The following ANAPC5 variants were observed in gnomAD, a reference collection of about 807,000 sequenced individuals.
ANAPC5 encodes anaphase promoting complex subunit 5.
ANAPC5 carries 60 observed loss-of-function variants against 91.3 expected under a neutral mutation model. The ratio of observed to expected loss-of-function variants is 0.66; its 90% confidence interval spans 0.53 to 0.81. The LOEUF is 0.81. Ranked by LOEUF, ANAPC5 falls within the 40% of genes least tolerant of loss-of-function variation. The probability of loss-of-function intolerance (pLI) is 0.00; values close to 1 mark genes in which losing one functional copy is unlikely to be tolerated. For missense variants in ANAPC5, 690 were observed against 931.5 expected (o/e 0.74, Z 3.37); for synonymous variants, 340 against 364.1 (o/e 0.93, Z 0.75).
chr12:121,353,214 G>T (rs536136780), upstream of ANAPC5, among the ~76,000 whole-genome samples: 1 of 152,198 alleles, frequency 6.6e-6, no homozygotes, highest in East Asian at 1.9e-4. Context: ...TCTATACTCT[G>T]CATTTCAAAG....
At chr12:121,320,882 C>T (rs750318977) in intron 11 of ANAPC5, 73 of 152,470 alleles carry the variant, frequency 4.8e-4, no homozygotes, top group Non-Finnish European at 9.2e-4. Context: ...GAATTACAGG[C>T]GTGAGCCACC....
At position 121,335,665 on chromosome 12, in the gene ANAPC5, C is replaced by A; in HGVS notation, c.818G>T (p.Ser273Ile). The change falls in exon 7 of 17, where the codon AGT (serine) becomes ATT (isoleucine). Residue 273 changes from serine to isoleucine, a missense_variant. Ser to Ile is a moderately radical substitution (Grantham distance 142). Transcript: ENST00000261819. ...CAGACGATCAAAATAATGGAGGAGA[C>A]TGTGTGTTGAACTGAAAACATCTTG... is the stretch of plus-strand genomic sequence containing the variant. ...RVQDVFSSTH[S>I]LLHYFDRLIL... 1 of 1,613,756 alleles carries A rather than the reference C, an allele frequency of 6.2e-7. No homozygotes were observed. Among genetic ancestry groups the A allele is most frequent in the Non-Finnish European group, 8.5e-7 (1 of 1,179,692 alleles).
upstream of ANAPC5, among the ~76,000 whole-genome samples, chr12:121,352,705 T>TTGG: frequency 9.7e-5 from 2 of 20,614 alleles, no homozygotes; most frequent in African/African-American, 1.3e-4. Flanking sequence ...TTTTTTGTTG[T>TTGG]TGGTTGTTGT....
At chr12:121,313,810 C>T (rs900667133) in intron 15 of ANAPC5, among the ~76,000 whole-genome samples, 1 of 152,150 alleles carries the variant, frequency 6.6e-6, no homozygotes, top group Non-Finnish European at 1.5e-5. Context: ...GTGAATTTTA[C>T]CAAACTTTAA....
At chr12:121,336,778 A>G (rs2136798385) in intron 6 of ANAPC5, among the ~76,000 whole-genome samples, 1 of 152,344 alleles carries the variant, frequency 6.6e-6, no homozygotes, top group East Asian at 1.9e-4. Context: ...GAAAGAGAAC[A>G]TCAAGAGTAA....
intron 6 of ANAPC5, among the ~76,000 whole-genome samples, chr12:121,336,893 G>C (rs961665038): frequency 6.6e-6 from 1 of 152,082 alleles, no homozygotes; most frequent in African/African-American, 2.4e-5. Flanking sequence ...TGGGCCAATG[G>C]GCTGATTCTC....
rs1555272840 is a variant in ANAPC5, at chr12:121,330,916, G to GA, written c.1033-245dup. ...CAGCCACTGAGTGGCAGGTGTTTCA[G>GA]AAAAAAAGCATGAAGCTCCCATATG... On this transcript the variant is annotated intron_variant, in intron 8 of 16. Transcript: ENST00000261819. The GA allele has an allele frequency of 1.3e-5, 6 of 464,560 alleles. 1 individual carries two copies. The highest frequency in any genetic ancestry group is 5.9e-5 in the African/African-American group (3 of 50,532). The allele number at this position is 464,560 out of a possible 1,614,324, so 28.8% of individuals were successfully genotyped here. A position where few individuals can be genotyped will look rare whatever the true frequency, so the allele number is the denominator to read the frequency against.
chr12:121,346,052 C>A (rs782029328), intron 3 of ANAPC5, 21 bp from the exon 4 acceptor site: 1 of 1,583,772 alleles, frequency 6.3e-7, no homozygotes, highest in South Asian at 1.2e-5. Context: ...AGACGAGAGA[C>A]AAGGGGAAAG....
intron 11 of ANAPC5, among the ~76,000 whole-genome samples, chr12:121,322,940 G>A (rs181688271): frequency 1.8e-3 from 271 of 152,130 alleles, no homozygotes; most frequent in Non-Finnish European, 2.8e-3. Context: ...CAGGAGAATC[G>A]CTTGAACCCA....
intron 9 of ANAPC5, 157 bp from the exon 10 acceptor site, chr12:121,328,654 A>G: frequency 1.6e-6 from 1 of 631,658 alleles, no homozygotes; most frequent in East Asian, 2.9e-5. Context: ...ACCCTGAGCC[A>G]TACGAGATGT....
In ANAPC5 at chr12:121,318,320, T is replaced by C; in HGVS notation, c.1850A>G (p.Gln617Arg). 1 of 1,590,360 alleles carries C rather than the reference T, an allele frequency of 6.3e-7. No homozygotes were observed. The highest frequency in any genetic ancestry group is 1.4e-5 in the African/African-American group (1 of 73,808). ...ALALSKEYRLQYLASETVLNL... is the reference protein window; with the variant it reads ...ALALSKEYRLRYLASETVLNL... ...CAGCACTGTTTCAGAGGCCAAGTAC[T>C]GTAACCGGTACTCCTTGGAGAGGGC... Residue 617 changes from glutamine (Q) to arginine (R), a missense_variant, in exon 15 of 17, where the codon CAG (glutamine) becomes CGG (arginine). Physicochemically the swap from Gln to Arg is conservative, Grantham distance 43 (BLOSUM62 1). This residue lies in a region of ANAPC5 where 317 missense variants were observed against 438.7 expected (regional missense o/e 0.72). Transcript: ENST00000261819.
At chr12:121,318,655 G>C in intron 13 of ANAPC5, 47 bp from the exon 14 acceptor site, 2 of 1,469,030 alleles carry the variant, frequency 1.4e-6, no homozygotes, top group Non-Finnish European at 1.9e-6. Context: ...TAGTCACTTT[G>C]AGGGTAAGAA....
In ANAPC5 at chr12:121,319,815, A is replaced by G. The variant is rs772518488; in HGVS notation, c.1519T>C (p.Trp507Arg). The G allele has an allele frequency of 3.5e-5, 55 of 1,594,050 alleles. No individual in the cohort carries two copies. The East Asian group carries it at 1.1e-3, about 31-fold the overall frequency. Reference sequence around the variant, plus strand: ...TGTATTTTTTGATCACATAGCATCCATAACTAGTAAGAAAAAAAAACACAA... The same window carrying G: ...TGTATTTTTTGATCACATAGCATCCGTAACTAGTAAGAAAAAAAAACACAA... ...FPPNSQHAQL[W>R]MLCDQKIQFD... Residue 507 changes from tryptophan (W) to arginine (R), a missense_variant, in exon 13 of 17, where the codon TGG becomes CGG. Around this residue, in one of 5 missense-constraint regions of ANAPC5, gnomAD observed 317 missense variants for 438.7 expected, o/e 0.72. Transcript: ENST00000261819.
At chr12:121,322,054 C>T (rs1332705178) in intron 11 of ANAPC5, among the ~76,000 whole-genome samples, 1 of 151,854 alleles carries the variant, frequency 6.6e-6, no homozygotes. Flanking sequence ...TTAGGAGAGA[C>T]AGGGTTTCAC....
chr12:121,339,523 T>C (rs570745473), intron 5 of ANAPC5, among the ~76,000 whole-genome samples: 4 of 152,208 alleles, frequency 2.6e-5, no homozygotes, highest in Admixed American at 2.0e-4. Context: ...CAAGCTGAAG[T>C]ACAGTGGCGA....
chr12:121,352,381 G>A lies in ANAPC5; in HGVS notation c.-41C>T, dbSNP rs1226244910. ...AGTCTCGGGCCCGCGGCGCGCTGCC[G>A]CCAGTTGTCACCACAAGGCACAACA... is the stretch of plus-strand genomic sequence containing the variant. On this transcript the variant is annotated 5_prime_UTR_variant, in exon 1 of 17. Coordinates refer to ENST00000261819, the MANE Select transcript of ANAPC5 (RefSeq NM_016237.5). 1.3e-6 allele frequency: 2 copies of A among 1,532,446 alleles called. No individual in the cohort carries two copies. Among genetic ancestry groups the A allele is most frequent in the African/African-American group, 1.4e-5 (1 of 72,318 alleles). 94.9% of individuals were successfully genotyped at this position (1,532,446 alleles called of 1,614,324 possible).
intron 13 of ANAPC5, 116 bp from the exon 14 acceptor site, chr12:121,318,724 AT>A (rs1306806377): frequency 2.0e-6 from 2 of 977,328 alleles, no homozygotes; most frequent in East Asian, 5.0e-5. Context: ...GCCTGATTTA[AT>A]TTTTGTTGAA....
Position 121,319,763 on chromosome 12 carries a change from T to G in ANAPC5, c.1571A>C (p.Lys524Thr). The G allele has an allele frequency of 6.2e-7, 1 of 1,612,918 alleles. No individual in the cohort carries two copies. The highest frequency in any genetic ancestry group is 8.5e-7 in the Non-Finnish European group (1 of 1,179,588). ...AACAAGTGAATCAGCCAAATGATAT[T>G]TGCCATCATTCATTGCTCTGTCAAA... Reference protein sequence around the residue: ...IQFDRAMNDGKYHLADSLVTG... With the variant: ...IQFDRAMNDGTYHLADSLVTG... The change falls in exon 13 of 17, where the codon AAA (lysine) becomes ACA (threonine). Residue 524 changes from lysine (K) to threonine (T), a missense_variant. Physicochemically the swap from Lys to Thr is moderately conservative, Grantham distance 78. This residue lies in a region of ANAPC5 where 317 missense variants were observed against 438.7 expected (regional missense o/e 0.72). Coordinates refer to ENST00000261819, the MANE Select transcript of ANAPC5 (RefSeq NM_016237.5).
intron 1 of ANAPC5, among the ~76,000 whole-genome samples, chr12:121,350,034 A>G (rs1027765285): frequency 1.3e-5 from 2 of 152,010 alleles, no homozygotes; most frequent in African/African-American, 4.8e-5. Flanking sequence ...TTAGTATTAT[A>G]ACTTTAATAA....
Sources: allele counts gnomAD v4.1 joint callset (sites outside exome capture counted in the v4.1 genomes callset), GRCh38; gene constraint gnomAD v4.1.1; regional missense constraint gnomAD v4.1.1; transcripts MANE v1.5; gene names NCBI Gene and HGNC (gene_info 2026-07-23, HGNC 2026-07-21).